TNKS: variants seen among roughly 807,000 people sequenced by gnomAD.
The protein encoded by TNKS is tankyrase.
Under a neutral mutation model 135.8 loss-of-function variants are expected in TNKS, and 72 were observed. The ratio of observed to expected loss-of-function variants is 0.53; its 90% CI spans 0.44 to 0.64. The LOEUF is 0.64. Ranked by LOEUF, TNKS falls within the 30% of genes least tolerant of loss-of-function variation. The pLI is 0.00. For synonymous variants in TNKS, 849 were observed against 649.3 expected, an observed-to-expected ratio of 1.31 and a Z score of -4.68; for missense variants, 1,769 against 1,674.0, an observed-to-expected ratio of 1.06 and a Z score of -0.99.
intron 1 of TNKS, among the ~76,000 whole-genome samples, chr8:9,574,853 T>G (rs1205100793): frequency 3.3e-5 from 5 of 152,030 alleles, no homozygotes; most frequent in Admixed American, 3.3e-4. Flanking sequence ...TATAAAAAAG[T>G]CAAGAGAGAA....
intron 2 of TNKS, among the ~76,000 whole-genome samples, chr8:9,584,430 G>T (rs924435351): frequency 6.6e-6 from 1 of 152,106 alleles, no homozygotes; most frequent in Non-Finnish European, 1.5e-5. Context: ...GCTATAGTAA[G>T]GAATCATATA....
chr8:9,715,255 G>A (rs1325973519), intron 11 of TNKS, among the ~76,000 whole-genome samples: 3 of 152,100 alleles, frequency 2.0e-5, no homozygotes, highest in Admixed American at 1.3e-4. Flanking sequence ...CGCAATAAAT[G>A]GCACACTTAA....
chr8:9,611,885 A>C (rs949739364), intron 2 of TNKS, among the ~76,000 whole-genome samples: 1 of 152,208 alleles, frequency 6.6e-6, no homozygotes, highest in Non-Finnish European at 1.5e-5. Flanking sequence ...TGTTCTTTTT[A>C]AAGAGTTAAG....
chr8:9,580,316 C>T lies in TNKS; in HGVS notation c.831C>T (p.Ala277=), dbSNP rs1404947022. 5 of 1,613,998 alleles carry T rather than the reference C, an allele frequency of 3.1e-6. No homozygotes were observed. Among genetic ancestry groups the T allele is most frequent in the Non-Finnish European group, 3.4e-6 (4 of 1,180,034 alleles). The change falls in exon 2 of 27, where the codon GCC becomes GCT. Residue 277 remains alanine, a synonymous_variant. Coordinates refer to ENST00000310430, the MANE Select transcript of TNKS (RefSeq NM_003747.3). ...LLLCQGADPN[A]RDNWNYTPLH... ...TGTGCCAAGGAGCTGATCCAAATGC[C>T]AGGGATAACTGGAACTATACACCTC...
intron 2 of TNKS, among the ~76,000 whole-genome samples, chr8:9,614,209 C>T (rs1799558186): frequency 6.6e-6 from 1 of 152,208 alleles, no homozygotes; most frequent in South Asian, 2.1e-4. Flanking sequence ...AGAGTAACTA[C>T]ACTTTGATAT....
intron 1 of TNKS, among the ~76,000 whole-genome samples, chr8:9,576,653 C>A (rs966883449): frequency 6.6e-6 from 1 of 151,970 alleles, no homozygotes; most frequent in Non-Finnish European, 1.5e-5. Flanking sequence ...TTAGAAACCA[C>A]CCCTGTGACC....
intron 26 of TNKS, among the ~76,000 whole-genome samples, chr8:9,771,123 C>T (rs1807806092): frequency 6.8e-6 from 1 of 147,918 alleles, no homozygotes; most frequent in South Asian, 2.2e-4. Context: ...AAAGAGAAAC[C>T]AAGGAAGGGA....
intron 3 of TNKS, among the ~76,000 whole-genome samples, chr8:9,669,557 T>C (rs1585306247): frequency 1.3e-5 from 2 of 152,324 alleles, no homozygotes; most frequent in East Asian, 3.9e-4. Context: ...TACATATCTG[T>C]AAATGAGTGG....
At chr8:9,742,002 A>G (rs4841211) in intron 17 of TNKS, among the ~76,000 whole-genome samples, 109,463 of 152,056 alleles carry the variant, frequency 0.72, 39,702 homozygotes, top group Admixed American at 0.81. Context: ...AATCCCTACT[A>G]CTTAGCTCTT....
chr8:9,693,462 G>A (rs957644574), intron 5 of TNKS, among the ~76,000 whole-genome samples: 1 of 151,986 alleles, frequency 6.6e-6, no homozygotes, highest in Non-Finnish European at 1.5e-5. Context: ...TTGGCTGGAG[G>A]GAAAAAATAA....
intron 5 of TNKS, among the ~76,000 whole-genome samples, chr8:9,683,283 C>G (rs917399635): frequency 2.6e-5 from 4 of 151,966 alleles, no homozygotes; most frequent in Non-Finnish European, 4.4e-5. Context: ...GAAAACAAAT[C>G]TAGCTGCTAA....
chr8:9,731,089 T>G (rs1006677429), intron 14 of TNKS, 54 bp downstream of exon 14: 1 of 1,461,450 alleles, frequency 6.8e-7, no homozygotes, highest in Non-Finnish European at 9.1e-7. Context: ...CTTAAAAAAT[T>G]TAAAATATTT....
At chr8:9,660,686 T>A (rs982132170) in intron 3 of TNKS, among the ~76,000 whole-genome samples, 5 of 152,006 alleles carry the variant, frequency 3.3e-5, no homozygotes, top group African/African-American at 4.8e-5. Context: ...CAAGACAGGG[T>A]TGCCCTCTCT....
intron 1 of TNKS, chr8:9,566,188 AC>A (rs1797532977): frequency 6.6e-6 from 1 of 152,218 alleles, no homozygotes. Context: ...ATAGAATTAC[AC>A]TTAGTTAATA....
chr8:9,628,870 C>T (rs1003034028), intron 3 of TNKS, among the ~76,000 whole-genome samples: 2 of 152,160 alleles, frequency 1.3e-5, no homozygotes, highest in Non-Finnish European at 2.9e-5. Flanking sequence ...GCCATGCCCA[C>T]CAAACTTGAA....
intron 2 of TNKS, among the ~76,000 whole-genome samples, chr8:9,608,520 C>T (rs888313931): frequency 6.6e-6 from 1 of 152,080 alleles, no homozygotes; most frequent in Non-Finnish European, 1.5e-5. Flanking sequence ...CTTGCGACCT[C>T]TACTCACTTT....
At chr8:9,709,885 C>T (rs1804236412) in intron 9 of TNKS, 70 bp from the exon 10 acceptor site, 1 of 1,157,998 alleles carries the variant, frequency 8.6e-7, no homozygotes, top group Non-Finnish European at 1.3e-6. Context: ...TCAGCAGATA[C>T]TGTTCAATTC....
chr8:9,671,136 T>C (rs1266842343), intron 3 of TNKS: 1 of 152,126 alleles, frequency 6.6e-6, no homozygotes, highest in African/African-American at 2.4e-5. Flanking sequence ...TTTTCTTTTC[T>C]TTTCTATAGG....
chr8:9,703,782 A>G (rs1054923130), intron 5 of TNKS, among the ~76,000 whole-genome samples: 1 of 152,226 alleles, frequency 6.6e-6, no homozygotes, highest in Non-Finnish European at 1.5e-5. Context: ...AAAGTATATT[A>G]AAGCCTGTAT....
Sources: gnomAD v4.1 joint callset for allele counts (sites outside exome capture counted in the v4.1 genomes callset) on GRCh38, gnomAD v4.1.1 for gene constraint, MANE v1.5 for transcripts, NCBI Gene and HGNC (gene_info 2026-07-23, HGNC 2026-07-21) for gene names.